The following ABCB1 variants were observed in gnomAD, a reference collection of about 807,000 sequenced individuals.
The protein encoded by ABCB1 is ATP-dependent translocase ABCB1.
Under a neutral mutation model 142.0 loss-of-function variants are expected in ABCB1, and 69 were observed. The observed-to-expected ratio is 0.49, with a 90% confidence interval of 0.40 to 0.59. The LOEUF (loss-of-function observed/expected upper bound fraction) is 0.59, where lower values mean the gene tolerates loss of function less well. Among genes scored for constraint, ABCB1 ranks in the 20% least tolerant of loss-of-function variants. The probability of loss-of-function intolerance (pLI) is 0.00; values close to 1 mark genes in which losing one functional copy is unlikely to be tolerated. For missense variants in ABCB1, 1,326 were observed against 1,554.7 expected (o/e 0.85, Z 2.47); for synonymous variants, 532 against 539.2 (o/e 0.99, Z 0.18).
intron 1 of ABCB1, among the ~76,000 whole-genome samples, chr7:87,641,658 G>A (rs1380672195): frequency 6.6e-6 from 1 of 152,114 alleles, no homozygotes; most frequent in Non-Finnish European, 1.5e-5. Context: ...CTTTTACTCT[G>A]ACACTAGATT....
intron 1 of ABCB1, among the ~76,000 whole-genome samples, chr7:87,622,616 G>T (rs1053089855): frequency 6.6e-6 from 1 of 152,222 alleles, no homozygotes; most frequent in African/African-American, 2.4e-5. Flanking sequence ...GAGTGATACA[G>T]TTGGTCAGTG....
chr7:87,550,091 T>C (rs2129706870), intron 12 of ABCB1, 37 bp from the exon 13 acceptor site: 1 of 1,614,054 alleles, frequency 6.2e-7, no homozygotes, highest in Middle Eastern at 1.6e-4. Context: ...CATACATTTG[T>C]AATTGAAAGG....
In ABCB1 at chr7:87,692,959, T is replaced by C. The variant is rs569876106; in HGVS notation, c.-331+20202A>G. Among the ~76,000 whole-genome samples, 10 of 152,040 alleles carry C rather than the reference T, an allele frequency of 6.6e-5. No individual in the cohort carries two copies. In the South Asian group the frequency reaches 2.1e-3, roughly 32 times the overall value. On this transcript the variant is annotated intron_variant, in intron 1 of 28. Transcript: ENST00000265724. ...CAGATGTGTAGATGTGGCACAGCTG[T>C]ATGTATCTCCTTCCTTTCATTTTTC... is the stretch of plus-strand genomic sequence containing the variant.
chr7:87,599,283 C>A (rs1003531009), intron 2 of ABCB1, among the ~76,000 whole-genome samples: 1 of 152,094 alleles, frequency 6.6e-6, no homozygotes, highest in Non-Finnish European at 1.5e-5. Context: ...GCACCATGAT[C>A]AAAATTTACT....
At chr7:87,706,588 A>G (rs1829606968) in intron 1 of ABCB1, among the ~76,000 whole-genome samples, 1 of 152,220 alleles carries the variant, frequency 6.6e-6, no homozygotes, top group Admixed American at 6.5e-5. Flanking sequence ...TTGAGTGGCC[A>G]CAGTCCTGGA....
intron 1 of ABCB1, among the ~76,000 whole-genome samples, chr7:87,653,235 T>C (rs1046797016): frequency 6.6e-6 from 1 of 152,058 alleles, no homozygotes; most frequent in African/African-American, 2.4e-5. Context: ...TTTTGAACTT[T>C]TATTTATTTA....
intron 1 of ABCB1, among the ~76,000 whole-genome samples, chr7:87,619,963 C>A (rs934174221): frequency 3.3e-5 from 5 of 151,952 alleles, no homozygotes. Context: ...TCTTTTAATC[C>A]TCTTAAAGAT....
chr7:87,696,190 C>G (rs937924622), intron 1 of ABCB1, among the ~76,000 whole-genome samples: 1 of 152,116 alleles, frequency 6.6e-6, no homozygotes, highest in Non-Finnish European at 1.5e-5. Context: ...CTGTTAATGA[C>G]AGCATATCTC....
At chr7:87,595,886 G>A (rs2129981537) in intron 2 of ABCB1, 72 bp from the exon 3 acceptor site, 4 of 1,187,144 alleles carry the variant, frequency 3.4e-6, no homozygotes, top group Non-Finnish European at 5.0e-6. Context: ...AATTAACATA[G>A]AATGTATATT....
rs1032689352 is a variant in ABCB1 at position 87,681,745 on chromosome 7, G to C, written c.-331+31416C>G. ...AGACAACAATGGGCTGGGCACAGTGGCTTACAGCTATAATCCCAGCACTTG... is the reference window on the plus strand; with the variant it reads ...AGACAACAATGGGCTGGGCACAGTGCCTTACAGCTATAATCCCAGCACTTG... On this transcript the variant is annotated intron_variant, in intron 1 of 28. Transcript: ENST00000265724. Among the ~76,000 whole-genome samples the C allele has an allele frequency of 2.0e-4, 30 of 151,934 alleles. 3 individuals carry two copies. Among genetic ancestry groups the C allele is most frequent in the African/African-American group, 6.5e-4 (27 of 41,320 alleles).
In ABCB1 at chr7:87,582,171, G is replaced by A. The variant is rs117027287; in HGVS notation, c.286+3341C>T. Among the ~76,000 whole-genome samples, 783 of 152,250 alleles carry A rather than the reference G, an allele frequency of 5.1e-3. 2 individuals are homozygous for A. The highest frequency in any genetic ancestry group is 8.5e-3 in the Non-Finnish European group (577 of 68,004). The stretch of plus-strand genomic sequence containing the variant: ...AGGATAGACAATGGTGAGGGGAGTG[G>A]AAATAAGGAGTGGCAGTGAGGGAAG... On this transcript the variant is annotated intron_variant, in intron 4 of 27. Coordinates refer to ENST00000622132, the MANE Select transcript of ABCB1 (RefSeq NM_001348946.2).
chr7:87,603,843 CT>C (rs1819552239), upstream of ABCB1, among the ~76,000 whole-genome samples: 1 of 152,152 alleles, frequency 6.6e-6, no homozygotes, highest in Non-Finnish European at 1.5e-5. Flanking sequence ...CCACAGTTAC[CT>C]TTTTGGTAAA....
intron 1 of ABCB1, among the ~76,000 whole-genome samples, chr7:87,687,304 A>C (rs28381742): frequency 1.9e-3 from 282 of 152,108 alleles, no homozygotes; most frequent in African/African-American, 6.6e-3. Context: ...TAAGGAGCAC[A>C]CTTCTTCTAG....
At chr7:87,692,496 G>T (rs1282293812) in intron 1 of ABCB1, among the ~76,000 whole-genome samples, 1 of 152,138 alleles carries the variant, frequency 6.6e-6, no homozygotes, top group East Asian at 1.9e-4. Context: ...ATTGAGTTTT[G>T]TGATATTTTC....
chr7:87,581,913 C>T (rs769839009), intron 4 of ABCB1, among the ~76,000 whole-genome samples: 2 of 152,100 alleles, frequency 1.3e-5, no homozygotes, highest in African/African-American at 2.4e-5. Context: ...GACTGTATCT[C>T]GGGCCCCAAG....
At chr7:87,631,924 C>CA (rs1386503746) in intron 1 of ABCB1, among the ~76,000 whole-genome samples, 4 of 151,786 alleles carry the variant, frequency 2.6e-5, no homozygotes, top group South Asian at 2.1e-4. Context: ...AGCCTCCAAG[C>CA]AAAAAATGTT....
At chr7:87,548,912 C>T (rs1246895981) in intron 14 of ABCB1, among the ~76,000 whole-genome samples, 1 of 152,112 alleles carries the variant, frequency 6.6e-6, no homozygotes, top group Non-Finnish European at 1.5e-5. Context: ...ATAGAGTCTT[C>T]AAGTGGCATT....
intron 21 of ABCB1, among the ~76,000 whole-genome samples, chr7:87,530,043 A>T (rs1353192874): frequency 6.6e-6 from 1 of 152,218 alleles, no homozygotes; most frequent in Non-Finnish European, 1.5e-5. Flanking sequence ...CAAAAATGGG[A>T]TAAAGAGTCT....
intron 1 of ABCB1, among the ~76,000 whole-genome samples, chr7:87,626,511 T>TATATATGTGTCATATATATATGTC (rs1820586401): frequency 1.6e-4 from 1 of 6,436 alleles, no homozygotes; most frequent in Non-Finnish European, 2.3e-4. Flanking sequence ...ATATGTGTCA[T>TATATATGTGTCATATATATATGTC]ATATATGTGT....
Sources: gnomAD v4.1 joint callset for allele counts (sites outside exome capture counted in the v4.1 genomes callset) on GRCh38, gnomAD v4.1.1 for gene constraint, MANE v1.5 for transcripts, NCBI Gene and HGNC (gene_info 2026-07-23, HGNC 2026-07-21) for gene names.